Variants in NCOR2 observed in about 807,000 individuals in gnomAD.
NCOR2 encodes nuclear receptor corepressor 2, also known as CTG repeat protein 26.
Under a neutral mutation model 262.9 loss-of-function variants are expected in NCOR2, and 81 were observed. That is an observed-to-expected ratio of 0.31 (90% CI 0.26 to 0.37). The LOEUF (loss-of-function observed/expected upper bound fraction) is 0.37. Among genes scored for constraint, NCOR2 ranks in the 10% least tolerant of loss-of-function variants. NCOR2 has a pLI of 1.00. For synonymous variants in NCOR2, 1,659 were observed against 1,559.3 expected (o/e 1.06, Z -1.51); for missense variants, 3,385 against 3,621.4 (o/e 0.93, Z 1.68).
intron 22 of NCOR2, among the ~76,000 whole-genome samples, chr12:124,358,234 ATG>A (rs995431884): frequency 6.9e-6 from 1 of 144,142 alleles, no homozygotes; most frequent in Middle Eastern, 3.7e-3. Flanking sequence ...GAGTGCATGG[ATG>A]TGTGTATGTG....
At chr12:124,404,927 G>A (rs937740502) in intron 13 of NCOR2, among the ~76,000 whole-genome samples, 1 of 152,208 alleles carries the variant, frequency 6.6e-6, no homozygotes, top group African/African-American at 2.4e-5. Context: ...TTCTGCAGAG[G>A]AGGAAACAGG....
rs2050317562 is a variant in NCOR2 at position 124,523,787 on chromosome 12, A to C, written c.-118+11778T>G. 6.6e-6 allele frequency among the ~76,000 whole-genome samples: 1 copy of C among 152,174 alleles called. No homozygotes were observed. The highest frequency in any genetic ancestry group is 2.1e-4 in the South Asian group (1 of 4,828). ...GGGGTGCTGTCATACCCATTCCATT[A>C]ATACATACTGGGAAACTGAGGCAGA... On this transcript the variant is annotated intron_variant, in intron 1 of 46. Transcript: ENST00000404621. The surrounding 1 kb of genome is among the most constrained non-coding windows in gnomAD (Gnocchi z 4.0).
At chr12:124,444,510 G>A (rs2045024230) in intron 7 of NCOR2, among the ~76,000 whole-genome samples, 2 of 152,160 alleles carry the variant, frequency 1.3e-5, no homozygotes, top group Non-Finnish European at 2.9e-5. Context: ...GGGGCAATCA[G>A]GGGAGGCTTC....
Position 124,457,141 on chromosome 12 carries a change from G to T in NCOR2, c.727C>A (p.Arg243=). 7.2e-7 allele frequency: 1 copy of T among 1,384,044 alleles called. No individual in the cohort carries two copies. Among genetic ancestry groups the T allele is most frequent in the Non-Finnish European group, 9.4e-7 (1 of 1,058,436 alleles). 85.7% of individuals were successfully genotyped at this position (1,384,044 alleles called of 1,614,324 possible). ...TGGGGCCCCAGGCCTTCCAGAATCC[G>T]ATGTGCAGCTTCAGCCTTCTTCTGC... The change falls in exon 6 of 47, where the codon CGG becomes AGG. Residue 243 remains arginine (R), a synonymous_variant. Transcript: ENST00000405201. This position sits in a 1 kb window ranked among gnomAD's most constrained non-coding sequence, Gnocchi z 4.0.
rs963773223 is a variant in NCOR2, at chr12:124,483,583, G to T, written c.411+13C>A. 23 of 1,564,572 alleles carry T rather than the reference G, an allele frequency of 1.5e-5. No homozygotes were observed. The highest frequency in any genetic ancestry group is 1.9e-5 in the Non-Finnish European group (22 of 1,156,202). ...AGCGGGAGAGGAGCTCCCAGCTGGG[G>T]GCCCAGGCTTACCTTGGTGAGGTCT... On this transcript the variant is annotated intron_variant, in intron 3 of 46. Coordinates refer to ENST00000405201, the Ensembl canonical transcript of NCOR2. The surrounding 1 kb of genome is among the most constrained non-coding windows in gnomAD (Gnocchi z 6.3).
intron 13 of NCOR2, among the ~76,000 whole-genome samples, chr12:124,405,229 C>T (rs1236909976): frequency 2.0e-5 from 3 of 152,214 alleles, no homozygotes; most frequent in Non-Finnish European, 2.9e-5. Flanking sequence ...TGCCTGGCTC[C>T]GTCCCACATG....
At chr12:124,332,282 G>A (rs759122296) in intron 43 of NCOR2, 37 bp downstream of exon 45, 1 of 1,611,640 alleles carries the variant, frequency 6.2e-7, no homozygotes, top group Non-Finnish European at 8.5e-7. Context: ...GCCCACCTGT[G>A]GCCCCATGCT....
At chr12:124,463,431 C>G (rs932866828) in intron 5 of NCOR2, among the ~76,000 whole-genome samples, 1 of 152,248 alleles carries the variant, frequency 6.6e-6, no homozygotes, top group African/African-American at 2.4e-5. Flanking sequence ...AGGCTGCAGC[C>G]ACCCTGATGG....
Position 124,483,699 on chromosome 12 carries a change from A to G in NCOR2, c.308T>C (p.Ile103Thr), listed in dbSNP as rs1196929193. The G allele has an allele frequency of 1.2e-6, 2 of 1,612,016 alleles. No individual in the cohort carries two copies. The highest frequency in any genetic ancestry group is 8.5e-7 in the Non-Finnish European group (1 of 1,179,150). The change falls in exon 3 of 47, where the codon ATT becomes ACT. Residue 103 changes from isoleucine to threonine, a missense_variant. Transcript: ENST00000405201. The surrounding 1 kb of genome is among the most constrained non-coding windows in gnomAD (Gnocchi z 6.3). ...CTCTAGCCGAGGGCGCTTGCTTTCA[A>G]TGAACTCCATCTCTGACTTCCCCAG...
chr12:124,404,444 C>T (rs993795331), intron 13 of NCOR2, among the ~76,000 whole-genome samples: 2 of 152,220 alleles, frequency 1.3e-5, no homozygotes, highest in Admixed American at 6.5e-5. Flanking sequence ...GCAGCAGCCA[C>T]GGAGCCTCCT....
chr12:124,429,023 C>T (rs1388269059), intron 10 of NCOR2, among the ~76,000 whole-genome samples: 1 of 152,188 alleles, frequency 6.6e-6, no homozygotes, highest in Non-Finnish European at 1.5e-5. Flanking sequence ...TGACGGCAGC[C>T]AGGGTCACCT....
At chr12:124,324,588 TGATGGG>T (rs1458485984) in exon 47 of NCOR2, 1 of 152,200 alleles carries the variant, frequency 6.6e-6, no homozygotes, top group African/African-American at 2.4e-5. Context: ...GTCCTGCGAG[TGATGGG>T]GTCACCGACT....
intron 1 of NCOR2, among the ~76,000 whole-genome samples, chr12:124,505,219 T>C (rs1308852236): frequency 6.6e-6 from 1 of 152,198 alleles, no homozygotes; most frequent in African/African-American, 2.4e-5. Flanking sequence ...AGGTTCAGTC[T>C]GTCTTCTCCT....
intron 18 of NCOR2, among the ~76,000 whole-genome samples, chr12:124,374,748 C>T (rs2039859121): frequency 6.6e-6 from 1 of 152,256 alleles, no homozygotes; most frequent in South Asian, 2.1e-4. Flanking sequence ...GAAAAGTGAG[C>T]TTCAGCCACT....
intron 25 of NCOR2, 123 bp downstream of exon 27, chr12:124,354,714 G>C: frequency 7.7e-7 from 1 of 1,290,624 alleles, no homozygotes; most frequent in Non-Finnish European, 1.1e-6. Context: ...GGCTGCTGAG[G>C]GGGGACCTCC....
In NCOR2 at chr12:124,346,808, C is replaced by T. The variant is rs748581002; in HGVS notation, c.4115G>A (p.Arg1372His). Residue 1372 changes from arginine to histidine, a missense_variant, in exon 31 of 47, where the codon CGT (arginine) becomes CAT (histidine). Arg to His is a conservative substitution (Grantham distance 29). Transcript: ENST00000405201. ...CCGCTTTAGGAGCTTGGCCTCCCGACGCAGGTAGTCCTCCTGTGCCTCCAC... is the reference window on the plus strand; with the variant it reads ...CCGCTTTAGGAGCTTGGCCTCCCGATGCAGGTAGTCCTCCTGTGCCTCCAC... 2.4e-5 allele frequency: 38 copies of T among 1,575,796 alleles called. No homozygotes were observed. The highest frequency in any genetic ancestry group is 3.6e-5 in the Admixed American group (2 of 54,892).
At chr12:124,325,604 T>A in intron 46 of NCOR2, 21 bp from the exon 49 acceptor site, 1 of 1,265,574 alleles carries the variant, frequency 7.9e-7, no homozygotes, top group Non-Finnish European at 1.0e-6. Context: ...AAGCGAAAGA[T>A]GCCCAGGAGG....
At chr12:124,479,041 G>A (rs570026883) in intron 3 of NCOR2, among the ~76,000 whole-genome samples, 1 of 151,616 alleles carries the variant, frequency 6.6e-6, no homozygotes, top group South Asian at 2.1e-4. Flanking sequence ...GGTAAGGGAT[G>A]GAGACCCTCC....
intron 13 of NCOR2, among the ~76,000 whole-genome samples, chr12:124,412,458 T>C (rs1173433982): frequency 6.6e-6 from 1 of 152,254 alleles, no homozygotes; most frequent in Non-Finnish European, 1.5e-5. Context: ...GGCTGCCTCC[T>C]GGGCTGGACT....
Sources: gnomAD v4.1 joint callset for allele counts (sites outside exome capture counted in the v4.1 genomes callset) on GRCh38, gnomAD v4.1.1 for gene constraint, Gnocchi (gnomAD v3.1) non-coding constraint, MANE v1.5 for transcripts, NCBI Gene and HGNC (gene_info 2026-07-23, HGNC 2026-07-21) for gene names.